Variants in CTNNA1 observed in about 807,000 individuals in gnomAD.
CTNNA1 encodes catenin alpha-1.
A neutral mutation model predicts 98.4 loss-of-function variants in CTNNA1; 37 were observed. That is an observed-to-expected ratio of 0.38 (90% CI 0.29 to 0.49). The LOEUF (loss-of-function observed/expected upper bound fraction) is 0.49, where lower values mean the gene tolerates loss of function less well. CTNNA1 is among the 20% of genes least tolerant of loss of function. CTNNA1 has a pLI of 0.95. For synonymous variants in CTNNA1, 404 were observed against 413.2 expected, an observed-to-expected ratio of 0.98 and a Z score of 0.27; for missense variants, 761 against 1,147.2, an observed-to-expected ratio of 0.66 and a Z score of 4.86.
rs142872536 is a variant in CTNNA1, at chr5:138,829,236, A to C, written c.1062+1518A>C. Among the ~76,000 whole-genome samples, 213 of 152,386 alleles carry C rather than the reference A, an allele frequency of 1.4e-3. 1 individual carries two copies. Among genetic ancestry groups the C allele is most frequent in the African/African-American group, 4.7e-3 (197 of 41,596 alleles). ...AAGTCACAGTGAAAATGTGGGACAC[A>C]TTTAAAAATCCATAGCTAAGATTGA... On this transcript the variant is annotated intron_variant, in intron 7 of 17. Transcript: ENST00000302763.
intron 1 of CTNNA1, among the ~76,000 whole-genome samples, chr5:138,773,579 G>A (rs1343756128): frequency 6.6e-6 from 1 of 152,198 alleles, no homozygotes; most frequent in Non-Finnish European, 1.5e-5. Flanking sequence ...GTTATTGAAA[G>A]TCTTGAAAAT....
chr5:138,934,981 TG>T lies in CTNNA1; in HGVS notation c.*893del, dbSNP rs1766237045. 6.6e-6 allele frequency: 1 copy of T among 152,300 alleles called. No individual in the cohort carries two copies. The highest frequency in any genetic ancestry group is 1.5e-5 in the Non-Finnish European group (1 of 68,044). The allele number at this position is 152,300 out of a possible 1,614,324, so 9.4% of individuals were successfully genotyped here. ...TTTAAATTTTATGAATTAATTTGAA[TG>T]TTTTTTACACTAACTAACTTTTCCC... is the stretch of plus-strand genomic sequence containing the variant. On this transcript the variant is annotated 3_prime_UTR_variant, in exon 18 of 18. Transcript: ENST00000302763.
At chr5:138,921,914 G>T (rs1242849695) in intron 11 of CTNNA1, among the ~76,000 whole-genome samples, 1 of 151,688 alleles carries the variant, frequency 6.6e-6, no homozygotes, top group Non-Finnish European at 1.5e-5. Context: ...CACCCGGCCG[G>T]TGATTTTTTT....
chr5:138,917,885 CT>C lies in CTNNA1; in HGVS notation c.1535del (p.Leu512TrpfsTer12). 6.2e-7 allele frequency: 1 copy of C among 1,614,056 alleles called. No homozygotes were observed. The highest frequency in any genetic ancestry group is 8.5e-7 in the Non-Finnish European group (1 of 1,179,942). On this transcript the variant is annotated frameshift_variant, in exon 11 of 18. Coordinates refer to ENST00000302763, the MANE Select transcript of CTNNA1 (RefSeq NM_001903.5). LOFTEE classifies it high-confidence loss of function. ...VDDITSIDDFLAVSENHILED... is the reference protein window; with the variant it reads ...VDDITSIDDFXAVSENHILED... ...ATGACATTACTTCCATTGATGACTTCTTGGCTGTCTCAGGTAATGAGCTGGT... is the reference window on the plus strand; with the variant it reads ...ATGACATTACTTCCATTGATGACTTCTGGCTGTCTCAGGTAATGAGCTGGT...
rs1451287719 is a variant in CTNNA1 at position 138,783,357 on chromosome 5, G to C, written c.286G>C (p.Asp96His). 6.2e-7 allele frequency: 1 copy of C among 1,613,484 alleles called. No homozygotes were observed. The highest frequency in any genetic ancestry group is 8.5e-7 in the Non-Finnish European group (1 of 1,179,580). ...LKEELVAAVEDVRKQGDLMKA... is the reference protein window; with the variant it reads ...LKEELVAAVEHVRKQGDLMKA... ...GGAGGAGCTTGTGGCTGCTGTAGAA[G>C]ATGTTCGAAAACAAGGTAGGTCATT... Residue 96 changes from aspartate (D) to histidine (H), a missense_variant, in exon 3 of 18, where the codon GAT (aspartate) becomes CAT (histidine). Transcript: ENST00000302763.
intron 17 of CTNNA1, 169 bp downstream of exon 17, chr5:138,932,881 C>T (rs568988693): frequency 1.1e-6 from 1 of 892,854 alleles, no homozygotes; most frequent in South Asian, 1.3e-5. Flanking sequence ...TCATCTGTTC[C>T]CTGTAGAACT....
chr5:138,897,294 A>ACCCCC lies in CTNNA1; in HGVS notation c.1297-7045_1297-7041dup, dbSNP rs1200145464. Among the ~76,000 whole-genome samples, 2 of 16,388 alleles carry ACCCCC rather than the reference A, an allele frequency of 1.2e-4. 1 individual carries two copies. The highest frequency in any genetic ancestry group is 4.4e-4 in the African/African-American group (2 of 4,502). The allele number at this position is 16,388 out of a possible 152,430, so 10.8% of individuals were successfully genotyped here. A position where few individuals can be genotyped will look rare whatever the true frequency, so the allele number is the denominator to read the frequency against. ...AGCTGTTACCTATACCTCACACCGCACCCCCCCCCCCCCCGCCCCCGCCCA... is the reference window on the plus strand; with the variant it reads ...AGCTGTTACCTATACCTCACACCGCACCCCCCCCCCCCCCCCCCCGCCCCCGCCCA... On this transcript the variant is annotated intron_variant, in intron 9 of 17. Coordinates refer to ENST00000302763, the MANE Select transcript of CTNNA1 (RefSeq NM_001903.5).
chr5:138,816,730 T>A (rs1759467900), intron 5 of CTNNA1, among the ~76,000 whole-genome samples: 1 of 152,090 alleles, frequency 6.6e-6, no homozygotes, highest in South Asian at 2.1e-4. Context: ...AGACAGAGTT[T>A]TAGTGTGTCA....
chr5:138,776,409 A>G (rs900875148), intron 1 of CTNNA1, among the ~76,000 whole-genome samples: 1 of 152,174 alleles, frequency 6.6e-6, no homozygotes, highest in African/African-American at 2.4e-5. Context: ...TTTTCTTAGT[A>G]CAGAACAAAA....
chr5:138,875,400 C>A (rs1751259068), intron 7 of CTNNA1: 5 of 985,768 alleles, frequency 5.1e-6, no homozygotes, highest in Non-Finnish European at 6.0e-6. Flanking sequence ...GATGACGTGT[C>A]TTTTGTTTGG....
chr5:138,919,197 G>C (rs1022755545), intron 11 of CTNNA1, among the ~76,000 whole-genome samples: 3 of 152,204 alleles, frequency 2.0e-5, no homozygotes, highest in African/African-American at 7.2e-5. Flanking sequence ...TTGGCCTTCT[G>C]TTGTTTTTCC....
At chr5:138,854,966 A>C (rs749524850) in intron 7 of CTNNA1, among the ~76,000 whole-genome samples, 4 of 152,196 alleles carry the variant, frequency 2.6e-5, no homozygotes, top group Non-Finnish European at 5.9e-5. Context: ...AAATATTGGG[A>C]TTTAGAGTGT....
intron 5 of CTNNA1, among the ~76,000 whole-genome samples, chr5:138,821,564 A>G (rs1364638519): frequency 1.3e-5 from 2 of 152,216 alleles, no homozygotes; most frequent in African/African-American, 4.8e-5. Flanking sequence ...TGTATCCAAG[A>G]GAAATCTATG....
intron 11 of CTNNA1, among the ~76,000 whole-genome samples, chr5:138,919,967 A>ATTTTT (rs34990349): frequency 3.8e-5 from 3 of 79,412 alleles, no homozygotes; most frequent in Admixed American, 3.2e-4. Context: ...AGCTTTGGCA[A>ATTTTT]TTTTTTTTTT....
intron 1 of CTNNA1, among the ~76,000 whole-genome samples, chr5:138,763,715 A>AG (rs1345038918): frequency 6.6e-6 from 1 of 152,252 alleles, no homozygotes; most frequent in Non-Finnish European, 1.5e-5. Flanking sequence ...AGAGGCTAAA[A>AG]GGGAGAAGCA....
intron 3 of CTNNA1, among the ~76,000 whole-genome samples, chr5:138,797,906 G>A (rs1012930705): frequency 1.4e-5 from 2 of 139,544 alleles, no homozygotes; most frequent in South Asian, 4.6e-4. Context: ...TTTAAAAAAA[G>A]CAGTTGGAAA....
chr5:138,791,614 TCAAAAAAAAAA>T (rs1216829479), intron 3 of CTNNA1, among the ~76,000 whole-genome samples: 1 of 4,436 alleles, frequency 2.3e-4, no homozygotes, highest in African/African-American at 1.7e-3. Context: ...AGACTCCGTC[TCAAAAAAAAAA>T]AAAAAAAAAA....
intron 6 of CTNNA1, among the ~76,000 whole-genome samples, chr5:138,827,019 A>G (rs749556999): frequency 2.6e-5 from 4 of 152,170 alleles, no homozygotes; most frequent in African/African-American, 7.2e-5. Flanking sequence ...GCCTCAAACA[A>G]TCCTCCTTCA....
At chr5:138,866,253 C>A (rs1318197896) in intron 7 of CTNNA1, among the ~76,000 whole-genome samples, 1 of 151,038 alleles carries the variant, frequency 6.6e-6, no homozygotes, top group Non-Finnish European at 1.5e-5. Flanking sequence ...GAAAAGCAAC[C>A]TGTAGATTCT....
Sources: allele counts gnomAD v4.1 joint callset (sites outside exome capture counted in the v4.1 genomes callset), GRCh38; gene constraint gnomAD v4.1.1; transcripts MANE v1.5; gene names NCBI Gene and HGNC (gene_info 2026-07-23, HGNC 2026-07-21).